Variants in RBFOX1 observed in about 807,000 individuals in gnomAD.
RBFOX1 encodes the protein RNA binding protein fox-1 homolog 1.
Under a neutral mutation model 57.7 loss-of-function variants are expected in RBFOX1, and 8 were observed. The observed-to-expected ratio is 0.14, with a 90% CI of 0.08 to 0.25. The LOEUF is 0.25. RBFOX1 is among the 10% of genes least tolerant of loss of function. RBFOX1 has a pLI of 1.00. For synonymous variants in RBFOX1, 326 were observed against 222.4 expected (o/e 1.47, Z -4.15); for missense variants, 611 against 548.5 (o/e 1.11, Z -1.14).
chr16:6,924,420 A>C (rs544294579), intron 3 of RBFOX1, among the ~76,000 whole-genome samples: 1 of 152,064 alleles, frequency 6.6e-6, no homozygotes, highest in African/African-American at 2.4e-5. Context: ...CGTGTGAACT[A>C]ACAGAGTGAG....
At chr16:5,243,729 T>C (rs28460026) in intron 1 of RBFOX1, among the ~76,000 whole-genome samples, 35,957 of 152,028 alleles carry the variant, frequency 0.24, 5,063 homozygotes, top group East Asian at 0.32. Flanking sequence ...GGGTCCCTGC[T>C]GTACCCTTTA....
chr16:5,856,579 A>ATT, intron 3 of RBFOX1, among the ~76,000 whole-genome samples: 1 of 58,938 alleles, frequency 1.7e-5, no homozygotes, highest in Admixed American at 2.3e-4. Context: ...GTGTGTGTAT[A>ATT]TATATATATA....
intron 1 of RBFOX1, among the ~76,000 whole-genome samples, chr16:6,140,719 C>A (rs1461801898): frequency 6.6e-6 from 1 of 152,204 alleles, no homozygotes; most frequent in Non-Finnish European, 1.5e-5. Flanking sequence ...CCCATTCCTT[C>A]TAGTAGATCT....
chr16:7,550,713 G>A (rs1036342407), intron 5 of RBFOX1, among the ~76,000 whole-genome samples: 1 of 152,078 alleles, frequency 6.6e-6, no homozygotes, highest in African/African-American at 2.4e-5. Context: ...TCACTGGAGG[G>A]CACCTACAGT....
intron 2 of RBFOX1, among the ~76,000 whole-genome samples, chr16:5,565,490 T>A (rs1158666327): frequency 6.6e-6 from 1 of 152,136 alleles, no homozygotes; most frequent in Admixed American, 6.5e-5. Context: ...CTGGGCATGG[T>A]GGCACCTGCG....
At chr16:5,748,036 A>G (rs1263025354) in intron 3 of RBFOX1, among the ~76,000 whole-genome samples, 1 of 152,142 alleles carries the variant, frequency 6.6e-6, no homozygotes, top group Non-Finnish European at 1.5e-5. Context: ...CCCTCTACAC[A>G]CTGCTTTAAA....
intron 14 of RBFOX1, among the ~76,000 whole-genome samples, chr16:7,698,855 AT>A (rs2079671285): frequency 6.6e-6 from 1 of 152,226 alleles, no homozygotes; most frequent in Non-Finnish European, 1.5e-5. Flanking sequence ...GGCTTGCTGC[AT>A]GCAATAACAA....
At position 6,457,875 on chromosome 16, in the gene RBFOX1, C is replaced by A. The variant is rs141879412; in HGVS notation, c.-64+140818C>A. Among the ~76,000 whole-genome samples the A allele has an allele frequency of 1.3e-3, 196 of 152,250 alleles. 2 individuals are homozygous for A. Among genetic ancestry groups the A allele is most frequent in the African/African-American group, 4.3e-3 (178 of 41,532 alleles). ...AAAGTGGCTATTAGTTTCTCCCCTGCAATTCAGTTTACAGATAGTTCTGGG... is the reference window on the plus strand; with the variant it reads ...AAAGTGGCTATTAGTTTCTCCCCTGAAATTCAGTTTACAGATAGTTCTGGG... On this transcript the variant is annotated intron_variant, in intron 2 of 15. Coordinates refer to ENST00000550418, the MANE Select transcript of RBFOX1 (RefSeq NM_018723.4).
intron 3 of RBFOX1, among the ~76,000 whole-genome samples, chr16:6,718,715 G>C (rs1339332759): frequency 3.3e-5 from 5 of 152,168 alleles, no homozygotes; most frequent in Non-Finnish European, 7.3e-5. Flanking sequence ...TTGTTGAAAA[G>C]TGTGTACCAC....
At chr16:6,667,509 C>T (rs1250741178) in intron 3 of RBFOX1, among the ~76,000 whole-genome samples, 1 of 152,032 alleles carries the variant, frequency 6.6e-6, no homozygotes, top group Non-Finnish European at 1.5e-5. Context: ...AGAATATTTT[C>T]TGGGGTCACT....
chr16:6,029,763 A>T (rs1421827786), intron 1 of RBFOX1, among the ~76,000 whole-genome samples: 1 of 105,914 alleles, frequency 9.4e-6, no homozygotes, highest in Non-Finnish European at 1.8e-5. Flanking sequence ...ACAGATCGAG[A>T]CTCCGTCTCA....
At chr16:5,613,063 C>A (rs2047881357) in intron 3 of RBFOX1, among the ~76,000 whole-genome samples, 1 of 152,232 alleles carries the variant, frequency 6.6e-6, no homozygotes, top group Middle Eastern at 3.4e-3. Flanking sequence ...TAGGGGAGGG[C>A]CCTGATGGGT....
chr16:7,450,549 A>G (rs547314883), intron 4 of RBFOX1, among the ~76,000 whole-genome samples: 6 of 152,210 alleles, frequency 3.9e-5, no homozygotes, highest in Admixed American at 6.5e-5. Flanking sequence ...TGAAGATACT[A>G]TGGCCCAGGG....
chr16:7,299,251 A>C (rs1457873149), intron 4 of RBFOX1, among the ~76,000 whole-genome samples: 2 of 152,156 alleles, frequency 1.3e-5, no homozygotes, highest in African/African-American at 4.8e-5. Flanking sequence ...TTATTTGTTA[A>C]CTGATGTCAG....
chr16:6,941,862 A>G (rs1410739937), intron 3 of RBFOX1, among the ~76,000 whole-genome samples: 1 of 152,064 alleles, frequency 6.6e-6, no homozygotes, highest in Non-Finnish European at 1.5e-5. Context: ...TCTGGAGTGC[A>G]GTAAGTGCAA....
At chr16:6,481,217 A>G (rs1308469989) in intron 2 of RBFOX1, among the ~76,000 whole-genome samples, 1 of 152,172 alleles carries the variant, frequency 6.6e-6, no homozygotes, top group Non-Finnish European at 1.5e-5. Flanking sequence ...GGTGGGAGCA[A>G]GAAAACAACC....
chr16:6,789,240 C>G (rs2082494120), intron 3 of RBFOX1, among the ~76,000 whole-genome samples: 1 of 152,104 alleles, frequency 6.6e-6, no homozygotes, highest in Admixed American at 6.5e-5. Flanking sequence ...GTCATTGTAT[C>G]ATTTCCCAAG....
intron 2 of RBFOX1, among the ~76,000 whole-genome samples, chr16:6,562,288 C>T (rs1177004919): frequency 6.6e-6 from 1 of 152,188 alleles, no homozygotes; most frequent in African/African-American, 2.4e-5. Context: ...GCCTTATCTG[C>T]ACACTAATTG....
intron 1 of RBFOX1, among the ~76,000 whole-genome samples, chr16:5,346,040 G>C (rs985881090): frequency 3.9e-5 from 6 of 152,224 alleles, no homozygotes; most frequent in Non-Finnish European, 7.3e-5. Flanking sequence ...TCTGTGCTGA[G>C]ACTTGGAACC....
Sources: gnomAD v4.1 joint callset for allele counts (sites outside exome capture counted in the v4.1 genomes callset) on GRCh38, gnomAD v4.1.1 for gene constraint, MANE v1.5 for transcripts, NCBI Gene and HGNC (gene_info 2026-07-23, HGNC 2026-07-21) for gene names.